Variants in PPIE observed in about 807,000 individuals in gnomAD.
PPIE encodes peptidylprolyl isomerase E, also known as peptidyl-prolyl cis-trans isomerase E.
Under a neutral mutation model 38.4 loss-of-function variants are expected in PPIE, and 20 were observed. The ratio of observed to expected loss-of-function variants is 0.52; its 90% CI spans 0.37 to 0.76. The LOEUF (loss-of-function observed/expected upper bound fraction) is 0.76. Among genes scored for constraint, PPIE ranks in the 30% least tolerant of loss-of-function variants. The pLI, the probability that PPIE is intolerant of heterozygous loss-of-function variation, is 0.00. For missense variants in PPIE, 322 were observed against 385.8 expected, an observed-to-expected ratio of 0.83 and a Z score of 1.39; for synonymous variants, 142 against 135.7, an observed-to-expected ratio of 1.05 and a Z score of -0.32.
At chr1:39,752,388 C>A (rs761486865) in intron 8 of PPIE, among the ~76,000 whole-genome samples, 1 of 152,222 alleles carries the variant, frequency 6.6e-6, no homozygotes, top group Non-Finnish European at 1.5e-5. Flanking sequence ...TTCCCTGTTT[C>A]AATAAATGAC....
Position 39,738,920 on chromosome 1 carries a change from T to G in PPIE, c.20T>G (p.Val7Gly), listed in dbSNP as rs990535740. 1 of 1,498,328 alleles carries G rather than the reference T, an allele frequency of 6.7e-7. No individual in the cohort carries two copies. The allele number at this position is 1,498,328 out of a possible 1,614,324, so 92.8% of individuals were successfully genotyped here. MATTKR[V>G]LYVGGLAEEV... Reference sequence around the variant, plus strand: ...AGCAAGATGGCCACCACCAAGCGCGTCTTGTACGTGGGTGAGCAGGAGGGG... The same window carrying G: ...AGCAAGATGGCCACCACCAAGCGCGGCTTGTACGTGGGTGAGCAGGAGGGG... The change falls in exon 1 of 10, where the codon GTC (valine) becomes GGC (glycine). Residue 7 changes from valine (V) to glycine (G), a missense_variant. Transcript: ENST00000324379.
At position 39,743,547 on chromosome 1, in the gene PPIE, T is replaced by A. The variant is rs59326573; in HGVS notation, c.283+250T>A. Among the ~76,000 whole-genome samples the A allele has an allele frequency of 5.2e-3, 786 of 152,296 alleles. 7 individuals are homozygous for A. The highest frequency in any genetic ancestry group is 0.018 in the African/African-American group (738 of 41,552). ...TCCTGCCTGAGCTCATCTTTCCCAGTTTTCTTGATATTCCATTCCTGGGGT... is the reference window on the plus strand; with the variant it reads ...TCCTGCCTGAGCTCATCTTTCCCAGATTTCTTGATATTCCATTCCTGGGGT... On this transcript the variant is annotated intron_variant, in intron 5 of 9. Coordinates refer to ENST00000324379, the MANE Select transcript of PPIE (RefSeq NM_006112.4).
rs1648241357 is a variant in PPIE at position 39,756,111 on chromosome 1, C to T, written c.*2756C>T. ...AGCCCCAGAGCTGGGCAGTGGCATGCCCCACAGCCTGGCCACCTGCTTCGG... is the reference window on the plus strand; with the variant it reads ...AGCCCCAGAGCTGGGCAGTGGCATGTCCCACAGCCTGGCCACCTGCTTCGG... On this transcript the variant is annotated 3_prime_UTR_variant, in exon 10 of 10. Transcript: ENST00000324379. 1 of 985,310 alleles carries T rather than the reference C, an allele frequency of 1.0e-6. No individual in the cohort carries two copies. The highest frequency in any genetic ancestry group is 1.1e-4 in the East Asian group (1 of 8,822). The allele number at this position is 985,310 out of a possible 1,614,324, so 61.0% of individuals were successfully genotyped here. A position where few individuals can be genotyped will look rare whatever the true frequency, so the allele number is the denominator to read the frequency against.
downstream of PPIE, chr1:39,759,089 T>G (rs1293457145): frequency 2.6e-5 from 4 of 152,236 alleles, no homozygotes; most frequent in Non-Finnish European, 5.9e-5. Context: ...GCAGGTAAAT[T>G]ACAGGCTTAG....
chr1:39,755,784 C>T lies in PPIE; in HGVS notation c.*2429C>T. 1 of 985,414 alleles carries T rather than the reference C, an allele frequency of 1.0e-6. No individual in the cohort carries two copies. The highest frequency in any genetic ancestry group is 4.7e-5 in the South Asian group (1 of 21,286). The allele number at this position is 985,414 out of a possible 1,614,324, so 61.0% of individuals were successfully genotyped here. A position where few individuals can be genotyped will look rare whatever the true frequency, so the allele number is the denominator to read the frequency against. The stretch of plus-strand genomic sequence containing the variant: ...GTGGACTCCTCTCCCAGTGTTCCTC[C>T]TGGGTGTTCACAGATGTTATTGAAT... On this transcript the variant is annotated 3_prime_UTR_variant, in exon 10 of 10. Coordinates refer to ENST00000324379, the MANE Select transcript of PPIE (RefSeq NM_006112.4).
Position 39,756,030 on chromosome 1 carries a change from C to T in PPIE, c.*2675C>T, listed in dbSNP as rs1648231910. The T allele has an allele frequency of 3.0e-6, 3 of 985,382 alleles. No homozygotes were observed. In the South Asian group the frequency reaches 1.4e-4, roughly 46 times the overall value. 61.0% of individuals were successfully genotyped at this position (985,382 alleles called of 1,614,324 possible). A position where few individuals can be genotyped will look rare whatever the true frequency, so the allele number is the denominator to read the frequency against. On this transcript the variant is annotated 3_prime_UTR_variant, in exon 10 of 10. Coordinates refer to ENST00000324379, the MANE Select transcript of PPIE (RefSeq NM_006112.4). ...CATGGTCCCCATGATTGGCCAGGACCTGTGTGGAGAGACACAGGAGACAAG... is the reference window on the plus strand; with the variant it reads ...CATGGTCCCCATGATTGGCCAGGACTTGTGTGGAGAGACACAGGAGACAAG...
At chr1:39,763,409 T>TCCCCAGCCGGCCCTCCCCG (rs1649309059) in intron 9 of PPIE, among the ~76,000 whole-genome samples, 3 of 103,104 alleles carry the variant, frequency 2.9e-5, no homozygotes, top group Non-Finnish European at 5.1e-5. Context: ...GGCCCTCCCC[T>TCCCCAGCCGGCCCTCCCCG]GCCCACGCCT....
At chr1:39,762,539 C>T in intron 9 of PPIE, 2 of 1,550,206 alleles carry the variant, frequency 1.3e-6, no homozygotes, top group Non-Finnish European at 1.7e-6. Flanking sequence ...ACCAAGGCAT[C>T]AAAAGCCAGG....
intron 7 of PPIE, chr1:39,747,371 A>G (rs1424722506): frequency 2.6e-5 from 4 of 151,822 alleles, no homozygotes; most frequent in Admixed American, 1.3e-4. Context: ...TTTTGAGGAA[A>G]TGCCAAACTA....
chr1:39,745,586 T>G, intron 7 of PPIE, 88 bp downstream of exon 7: 1 of 1,587,950 alleles, frequency 6.3e-7, no homozygotes, highest in African/African-American at 1.3e-5. Context: ...ACTTCTTGTG[T>G]CCTTGATATT....
chr1:39,740,963 G>C (rs180943417), intron 2 of PPIE, among the ~76,000 whole-genome samples: 13 of 152,296 alleles, frequency 8.5e-5, no homozygotes, highest in Non-Finnish European at 5.9e-5. Context: ...TGAAGATAAA[G>C]ACTGAGCATC....
At chr1:39,749,122 G>T (rs768822539) in intron 8 of PPIE, 34 bp downstream of exon 8, 3 of 1,551,092 alleles carry the variant, frequency 1.9e-6, no homozygotes, top group Admixed American at 3.9e-5. Flanking sequence ...GACGAGGGAG[G>T]CTGGGCAAGG....
In PPIE at chr1:39,756,053, A is replaced by G. The variant is rs1569727174; in HGVS notation, c.*2698A>G. ...ACCTGTGTGGAGAGACACAGGAGAC[A>G]AGACCCTGCTCTTCCAGGCCAGAAG... On this transcript the variant is annotated 3_prime_UTR_variant, in exon 10 of 10. Coordinates refer to ENST00000324379, the MANE Select transcript of PPIE (RefSeq NM_006112.4). 2.3e-5 allele frequency: 23 copies of G among 985,380 alleles called. 1 individual carries two copies. The East Asian group carries it at 4.5e-4, about 19-fold the overall frequency. The allele number at this position is 985,380 out of a possible 1,614,324, so 61.0% of individuals were successfully genotyped here.
intron 9 of PPIE, chr1:39,762,983 CT>C (rs71794647): frequency 0.063 from 85,396 of 1,352,294 alleles, 3,179 homozygotes; most frequent in Non-Finnish European, 0.07. Context: ...ACAAAGCCCC[CT>C]GAGACGCGGA....
chr1:39,744,664 T>C (rs901359142), intron 6 of PPIE, among the ~76,000 whole-genome samples: 1 of 152,210 alleles, frequency 6.6e-6, no homozygotes, highest in African/African-American at 2.4e-5. Context: ...CTAAAATGGA[T>C]TCTCCCGCTT....
chr1:39,760,374 G>T (rs12094291), downstream of PPIE: 1 of 1,608,540 alleles, frequency 6.2e-7, no homozygotes, highest in South Asian at 1.1e-5. Flanking sequence ...TGAGGGGCCC[G>T]ATCCAGATGA....
At chr1:39,748,635 T>G (rs1305682722) in intron 7 of PPIE, 1 of 410,542 alleles carries the variant, frequency 2.4e-6, no homozygotes, top group Non-Finnish European at 4.5e-6. Flanking sequence ...CTCAAGAGGC[T>G]GAGGCAGGGG....
At chr1:39,739,085 T>A in intron 1 of PPIE, 154 bp downstream of exon 1, 2 of 788,750 alleles carry the variant, frequency 2.5e-6, no homozygotes, top group Non-Finnish European at 3.5e-6. Flanking sequence ...TGGCTGTGCT[T>A]AAACTCCTTC....
chr1:39,742,958 T>C (rs959554733), intron 4 of PPIE: 3 of 312,684 alleles, frequency 9.6e-6, no homozygotes, highest in Non-Finnish European at 1.8e-5. Flanking sequence ...GGAAACTGCA[T>C]TTATTTTTGT....
Sources: gnomAD v4.1 joint callset for allele counts (sites outside exome capture counted in the v4.1 genomes callset) on GRCh38, gnomAD v4.1.1 for gene constraint, MANE v1.5 for transcripts, NCBI Gene and HGNC (gene_info 2026-07-23, HGNC 2026-07-21) for gene names.